Variants in MLLT10 observed in about 807,000 individuals in gnomAD.
MLLT10 encodes MLLT10 histone lysine methyltransferase DOT1L cofactor, also known as protein AF-10.
Under a neutral mutation model 129.1 loss-of-function variants are expected in MLLT10, and 30 were observed. The ratio of observed to expected loss-of-function variants is 0.23; its 90% confidence interval spans 0.17 to 0.32. MLLT10 has a LOEUF of 0.32. Among genes scored for constraint, MLLT10 ranks in the 10% least tolerant of loss-of-function variants. The pLI is 1.00. For synonymous variants in MLLT10, 490 were observed against 446.4 expected (o/e 1.10, Z -1.23); for missense variants, 1,119 against 1,268.3 (o/e 0.88, Z 1.79).
chr10:21,700,105 ATTC>A (rs1347070583), intron 13 of MLLT10, among the ~76,000 whole-genome samples: 1 of 136,206 alleles, frequency 7.3e-6, no homozygotes, highest in Non-Finnish European at 1.6e-5. Context: ...GGTTAAATGT[ATTC>A]TTTTTTTTTT....
At chr10:21,576,294 G>A (rs1231802538) in intron 3 of MLLT10, among the ~76,000 whole-genome samples, 1 of 148,824 alleles carries the variant, frequency 6.7e-6, no homozygotes, top group Non-Finnish European at 1.5e-5. Context: ...CCAGGCTGGA[G>A]TGCAGTGGCA....
At chr10:21,550,108 G>T (rs528302167) in intron 3 of MLLT10, among the ~76,000 whole-genome samples, 5 of 152,180 alleles carry the variant, frequency 3.3e-5, no homozygotes, top group African/African-American at 7.2e-5. Context: ...GGAGAAAATA[G>T]ACTTGGATTG....
chr10:21,634,772 A>AT (rs892444932), intron 8 of MLLT10, among the ~76,000 whole-genome samples: 10 of 152,180 alleles, frequency 6.6e-5, no homozygotes, highest in African/African-American at 2.4e-4. Context: ...ACTCAAGTTT[A>AT]TTTTTTTAAG....
intron 13 of MLLT10, among the ~76,000 whole-genome samples, chr10:21,683,033 A>G (rs538120869): frequency 1.1e-4 from 16 of 152,268 alleles, no homozygotes; most frequent in Non-Finnish European, 2.1e-4. Context: ...CAGTTTTTCA[A>G]TACATTTTCA....
At chr10:21,651,039 G>GTTGTGTTGTTTTGTT (rs1234890229) in intron 8 of MLLT10, among the ~76,000 whole-genome samples, 2 of 148,430 alleles carry the variant, frequency 1.3e-5, no homozygotes. Flanking sequence ...TGGTGGTTGT[G>GTTGTGTTGTTTTGTT]TTGTTTTGTT....
intron 8 of MLLT10, among the ~76,000 whole-genome samples, chr10:21,623,767 TC>T (rs2046143900): frequency 6.6e-6 from 1 of 152,228 alleles, no homozygotes; most frequent in Non-Finnish European, 1.5e-5. Context: ...CTCACTTCTA[TC>T]CCACTCAATC....
intron 8 of MLLT10, among the ~76,000 whole-genome samples, chr10:21,623,297 G>T (rs1335187778): frequency 6.6e-6 from 1 of 152,158 alleles, no homozygotes; most frequent in Non-Finnish European, 1.5e-5. Context: ...TCACATGGTT[G>T]GTTCCTCTGG....
At position 21,570,128 on chromosome 10, in the gene MLLT10, C is replaced by T. The variant is rs554173147; in HGVS notation, c.241-16166C>T. ...TTGTCCATGTTGGTTAGGCTGGTCT[C>T]GAACTCCTGACCTCAGGTGACCTGC... On this transcript the variant is annotated intron_variant, in intron 3 of 22. Transcript: ENST00000307729. 2.0e-5 allele frequency among the ~76,000 whole-genome samples: 3 copies of T among 152,122 alleles called. No homozygotes were observed. The Middle Eastern group carries it at 0.01, about 517-fold the overall frequency.
intron 9 of MLLT10, among the ~76,000 whole-genome samples, chr10:21,659,382 A>G (rs1044401096): frequency 1.8e-4 from 27 of 152,194 alleles, no homozygotes; most frequent in Non-Finnish European, 2.9e-5. Flanking sequence ...AAGTTACTGT[A>G]GAGAAACAGA....
At chr10:21,692,783 G>A (rs2053999747) in intron 13 of MLLT10, among the ~76,000 whole-genome samples, 1 of 152,000 alleles carries the variant, frequency 6.6e-6, no homozygotes. Context: ...CGCCACACCT[G>A]GCCATAATGG....
chr10:21,669,912 C>G lies in MLLT10; in HGVS notation c.796-537C>G, dbSNP rs1029494487. Among the ~76,000 whole-genome samples, 6 of 151,890 alleles carry G rather than the reference C, an allele frequency of 4.0e-5. No homozygotes were observed. The South Asian group carries it at 6.2e-4, about 16-fold the overall frequency. On this transcript the variant is annotated intron_variant, in intron 9 of 22. Transcript: ENST00000307729. ...ACAATTGGAAAAATGATTTCTGTTT[C>G]AAATCTTTCTGTTTTTTTTTGCAAA...
chr10:21,625,039 C>A, intron 8 of MLLT10: 14 of 905,344 alleles, frequency 1.5e-5, no homozygotes, highest in Non-Finnish European at 2.3e-5. Context: ...ATCTTCGTAA[C>A]CTCCTTGATA....
intron 10 of MLLT10, 37 bp from the exon 11 acceptor site, chr10:21,673,313 C>CCCCA: frequency 1.4e-6 from 1 of 694,380 alleles, no homozygotes; most frequent in Non-Finnish European, 2.0e-6. Context: ...CCCCCCACCC[C>CCCCA]CCAACTTTTT....
chr10:21,624,737 T>C, intron 8 of MLLT10: 1 of 1,271,684 alleles, frequency 7.9e-7, no homozygotes. Context: ...GGTCTGACGA[T>C]GCTTGGAATC....
chr10:21,714,555 C>T (rs776486011), intron 14 of MLLT10, among the ~76,000 whole-genome samples: 2 of 152,146 alleles, frequency 1.3e-5, no homozygotes, highest in Non-Finnish European at 2.9e-5. Context: ...TTGTTTGAGA[C>T]GGAGTCTCAC....
At chr10:21,599,715 C>T (rs2043340853) in intron 5 of MLLT10, among the ~76,000 whole-genome samples, 1 of 152,072 alleles carries the variant, frequency 6.6e-6, no homozygotes, top group Admixed American at 6.6e-5. Flanking sequence ...CAGGCACACC[C>T]ATCACACCCG....
At position 21,742,561 on chromosome 10, in the gene MLLT10, A is replaced by T. The variant is rs1319249385; in HGVS notation, c.*578A>T. ...TTTCCTTTCTAATGGGATTTGGCCA[A>T]TTTTGGTAATGAAGTTAGGATGGTA... On this transcript the variant is annotated 3_prime_UTR_variant, in exon 23 of 23. Coordinates refer to ENST00000307729, the MANE Select transcript of MLLT10 (RefSeq NM_001195626.3). 1 of 217,012 alleles carries T rather than the reference A, an allele frequency of 4.6e-6. No homozygotes were observed. The highest frequency in any genetic ancestry group is 9.3e-6 in the Non-Finnish European group (1 of 107,900). The allele number at this position is 217,012 out of a possible 1,614,324, so 13.4% of individuals were successfully genotyped here.
intron 13 of MLLT10, among the ~76,000 whole-genome samples, chr10:21,684,244 T>A (rs1481065097): frequency 6.6e-6 from 1 of 152,170 alleles, no homozygotes; most frequent in Non-Finnish European, 1.5e-5. Flanking sequence ...TTGTTTTTTC[T>A]CACACTATTT....
intron 3 of MLLT10, among the ~76,000 whole-genome samples, chr10:21,584,940 A>C (rs2041861052): frequency 6.6e-6 from 1 of 150,912 alleles, no homozygotes; most frequent in South Asian, 2.1e-4. Context: ...TTTTTTTGAG[A>C]TAGGGTTCAC....
Sources: allele counts gnomAD v4.1 joint callset (sites outside exome capture counted in the v4.1 genomes callset), GRCh38; gene constraint gnomAD v4.1.1; transcripts MANE v1.5; gene names NCBI Gene and HGNC (gene_info 2026-07-23, HGNC 2026-07-21).